The following TRPM3 variants were observed in gnomAD, a reference collection of about 807,000 sequenced individuals.
The protein encoded by TRPM3 is transient receptor potential cation channel subfamily M member 3.
Under a neutral mutation model 181.2 loss-of-function variants are expected in TRPM3, and 77 were observed. The ratio of observed to expected loss-of-function variants is 0.42; its 90% CI spans 0.35 to 0.51. The LOEUF is 0.51. Among genes scored for constraint, TRPM3 ranks in the 20% least tolerant of loss-of-function variants. The pLI is 0.01. For missense variants in TRPM3, 1,759 were observed against 2,196.7 expected (o/e 0.80, Z 3.98); for synonymous variants, 745 against 796.4 (o/e 0.94, Z 1.09).
intron 22 of TRPM3, among the ~76,000 whole-genome samples, chr9:70,558,605 G>A (rs2048312723): frequency 6.6e-6 from 1 of 152,284 alleles, no homozygotes; most frequent in Non-Finnish European, 1.5e-5. Flanking sequence ...TGGGATCTTT[G>A]ACTCAGAAAC....
chr9:70,625,067 G>C lies in TRPM3; in HGVS notation c.1809+124C>G. The C allele has an allele frequency of 9.6e-7, 1 of 1,041,316 alleles. No individual in the cohort carries two copies. The highest frequency in any genetic ancestry group is 1.3e-6 in the Non-Finnish European group (1 of 743,624). The allele number at this position is 1,041,316 out of a possible 1,614,324, so 64.5% of individuals were successfully genotyped here. ...TGAATTTCATTACTTTTCTTTGATT[G>C]TTTAGGTTCACTCTCAGCGCAATTT... On this transcript the variant is annotated intron_variant, in intron 14 of 25. Transcript: ENST00000677713. The surrounding 1 kb of genome is among the most constrained non-coding windows in gnomAD (Gnocchi z 4.8).
At chr9:70,680,426 T>A (rs1368516370) in intron 9 of TRPM3, among the ~76,000 whole-genome samples, 1 of 152,230 alleles carries the variant, frequency 6.6e-6, no homozygotes, top group Non-Finnish European at 1.5e-5. Flanking sequence ...GTTGGTATTC[T>A]GAGTTTTCAT....
chr9:70,993,264 T>G (rs536810390), intron 1 of TRPM3, among the ~76,000 whole-genome samples: 2 of 152,276 alleles, frequency 1.3e-5, no homozygotes, highest in South Asian at 2.1e-4. Context: ...GACTGTGGAA[T>G]GGAAACCAGG....
chr9:70,952,557 A>C (rs1016788922), intron 1 of TRPM3, among the ~76,000 whole-genome samples: 4 of 152,232 alleles, frequency 2.6e-5, no homozygotes, highest in African/African-American at 9.6e-5. Context: ...GAGATTAATA[A>C]AACATGGTCA....
chr9:71,095,388 T>TG (rs11396769), intron 1 of TRPM3, among the ~76,000 whole-genome samples: 137,986 of 152,134 alleles, frequency 0.91, 62,703 homozygotes, highest in East Asian at 1. Flanking sequence ...CGACGGGAGA[T>TG]CCTCTATTTA....
chr9:70,975,837 G>A (rs758909160), intron 1 of TRPM3, among the ~76,000 whole-genome samples: 2 of 152,096 alleles, frequency 1.3e-5, no homozygotes, highest in Non-Finnish European at 2.9e-5. Context: ...TGCAAACTTC[G>A]GCACATTACC....
chr9:71,346,993 G>A (rs531416334), intron 1 of TRPM3, among the ~76,000 whole-genome samples: 4 of 152,292 alleles, frequency 2.6e-5, no homozygotes, highest in Non-Finnish European at 4.4e-5. Flanking sequence ...TTTCTGATAC[G>A]TTAGGAAATC....
At chr9:71,252,469 G>T (rs1035108047) in intron 1 of TRPM3, among the ~76,000 whole-genome samples, 1 of 152,084 alleles carries the variant, frequency 6.6e-6, no homozygotes, top group Admixed American at 6.5e-5. Context: ...GTCCCAACAA[G>T]TTCCTCCATC....
chr9:70,694,110 G>T (rs2069436673), intron 8 of TRPM3, among the ~76,000 whole-genome samples: 1 of 152,132 alleles, frequency 6.6e-6, no homozygotes, highest in Non-Finnish European at 1.5e-5. Context: ...GGAGGTCAGG[G>T]GAAATGTTTT....
chr9:70,546,644 A>G lies in TRPM3; in HGVS notation c.3707+2898T>C, dbSNP rs17055288. 8.1e-3 allele frequency among the ~76,000 whole-genome samples: 1,216 copies of G among 149,610 alleles called. 33 individuals carry two copies. The East Asian group carries it at 0.098, about 12-fold the overall frequency. On this transcript the variant is annotated intron_variant, in intron 25 of 25. Coordinates refer to ENST00000677713, the MANE Select transcript of TRPM3 (RefSeq NM_001366145.2). ...ATAGAACAGGCTTCAAGAATTGGTTATCTTCAGCCAAGAGTCCACAACTCC... is the reference window on the plus strand; with the variant it reads ...ATAGAACAGGCTTCAAGAATTGGTTGTCTTCAGCCAAGAGTCCACAACTCC...
intron 1 of TRPM3, among the ~76,000 whole-genome samples, chr9:71,074,407 T>C (rs916704956): frequency 6.6e-6 from 1 of 152,164 alleles, no homozygotes; most frequent in African/African-American, 2.4e-5. Flanking sequence ...TCTCTGACTT[T>C]GAAGAGTTGA....
At chr9:70,759,950 C>G (rs1183660360) in intron 8 of TRPM3, among the ~76,000 whole-genome samples, 1 of 152,002 alleles carries the variant, frequency 6.6e-6, no homozygotes, top group Non-Finnish European at 1.5e-5. Flanking sequence ...ACACAAGTAT[C>G]CCAGAACTTA....
At chr9:70,959,021 G>T (rs1302133300) in intron 1 of TRPM3, among the ~76,000 whole-genome samples, 1 of 138,108 alleles carries the variant, frequency 7.2e-6, no homozygotes, top group East Asian at 2.3e-4. Context: ...GGAGGAGGGG[G>T]AGGGATAGCA....
intron 1 of TRPM3, among the ~76,000 whole-genome samples, chr9:71,285,804 A>G (rs939741508): frequency 2.6e-5 from 4 of 152,136 alleles, no homozygotes; most frequent in African/African-American, 7.2e-5. Context: ...TTCAAAATCA[A>G]GCTTCACTGA....
chr9:71,195,729 TG>T (rs1402541817), intron 1 of TRPM3, among the ~76,000 whole-genome samples: 1 of 152,120 alleles, frequency 6.6e-6, no homozygotes, highest in Non-Finnish European at 1.5e-5. Context: ...AGTGGAAGAC[TG>T]GGGTAAGAAA....
At position 70,744,600 on chromosome 9, in the gene TRPM3, T is replaced by G. The variant is rs577632159; in HGVS notation, c.1272+17001A>C. On this transcript the variant is annotated intron_variant, in intron 8 of 25. Transcript: ENST00000677713. ...TTGTGTAAATTACATTTTCTTGATATTTGTTTTTCACGTCAATGAATATTT... is the reference window on the plus strand; with the variant it reads ...TTGTGTAAATTACATTTTCTTGATAGTTGTTTTTCACGTCAATGAATATTT... Among the ~76,000 whole-genome samples the G allele has an allele frequency of 4.6e-5, 7 of 152,164 alleles. No homozygotes were observed. In the South Asian group the frequency reaches 1.2e-3, roughly 27 times the overall value.
At chr9:70,795,573 G>A (rs1473937335) in intron 6 of TRPM3, among the ~76,000 whole-genome samples, 1 of 152,124 alleles carries the variant, frequency 6.6e-6, no homozygotes, top group African/African-American at 2.4e-5. Flanking sequence ...TGTCCAAAAG[G>A]CTAACTCTTC....
At chr9:71,126,375 G>A (rs939466923), upstream of TRPM3, among the ~76,000 whole-genome samples, 7 of 152,188 alleles carry the variant, frequency 4.6e-5, no homozygotes, top group African/African-American at 1.7e-4. Flanking sequence ...TTTGTCTCAT[G>A]AACTTTATGG....
At chr9:70,743,670 T>C (rs988509700) in intron 8 of TRPM3, among the ~76,000 whole-genome samples, 1 of 152,030 alleles carries the variant, frequency 6.6e-6, no homozygotes, top group Admixed American at 6.6e-5. Context: ...ATGGGTAGTT[T>C]AGGCAGGCCT....
Sources: allele counts gnomAD v4.1 joint callset (sites outside exome capture counted in the v4.1 genomes callset), GRCh38; gene constraint gnomAD v4.1.1; non-coding constraint Gnocchi (gnomAD v3.1); transcripts MANE v1.5; gene names NCBI Gene and HGNC (gene_info 2026-07-23, HGNC 2026-07-21).